Variants in ESRRG observed in about 807,000 individuals in gnomAD.
ESRRG encodes the protein estrogen related receptor gamma, also known as estrogen-related receptor gamma.
In ESRRG, 13 loss-of-function variants were observed where a neutral mutation model predicts 44.0. That is an observed-to-expected ratio of 0.30 (90% CI 0.19 to 0.47). ESRRG has a LOEUF of 0.47. ESRRG is among the 20% of genes least tolerant of loss of function. ESRRG has a pLI of 1.00. For synonymous variants in ESRRG, 215 were observed against 214.6 expected (o/e 1.00, Z -0.02); for missense variants, 395 against 580.6 (o/e 0.68, Z 3.29).
At chr1:216,565,616 A>G (rs1027057141) in intron 4 of ESRRG, among the ~76,000 whole-genome samples, 1 of 152,198 alleles carries the variant, frequency 6.6e-6, no homozygotes, top group African/African-American at 2.4e-5. Context: ...TTTTTCTAAC[A>G]TAACATTTAA....
intron 5 of ESRRG, among the ~76,000 whole-genome samples, chr1:216,522,297 T>C (rs560423677): frequency 8.7e-6 from 1 of 114,908 alleles, no homozygotes; most frequent in African/African-American, 3.5e-5. Flanking sequence ...TGAGGGAGCA[T>C]GAGGAGACGG....
chr1:216,510,682 G>C (rs1482943526), intron 6 of ESRRG, among the ~76,000 whole-genome samples: 3 of 152,188 alleles, frequency 2.0e-5, no homozygotes, highest in Non-Finnish European at 1.5e-5. Context: ...TCAGGAGATC[G>C]AGACCATCCT....
intron 2 of ESRRG, among the ~76,000 whole-genome samples, chr1:216,771,821 T>TTG (rs1473525735): frequency 6.7e-6 from 1 of 150,366 alleles, no homozygotes. Context: ...GTGGTGTTTT[T>TTG]TTTTTTTTTT....
At chr1:217,095,310 C>T (rs1379264098) in intron 1 of ESRRG, among the ~76,000 whole-genome samples, 2 of 152,304 alleles carry the variant, frequency 1.3e-5, no homozygotes, top group South Asian at 4.1e-4. Flanking sequence ...AGGTATTTTA[C>T]TTAACTGACA....
chr1:216,852,547 A>G (rs1033044585), intron 2 of ESRRG, among the ~76,000 whole-genome samples: 1 of 152,208 alleles, frequency 6.6e-6, no homozygotes, highest in Non-Finnish European at 1.5e-5. Context: ...TAAACTCCTG[A>G]AAGGCAAGAA....
intron 6 of ESRRG, among the ~76,000 whole-genome samples, chr1:216,516,605 T>G (rs1419636465): frequency 7.9e-6 from 1 of 127,246 alleles, no homozygotes; most frequent in Admixed American, 8.7e-5. Context: ...AAGTTACTTA[T>G]GTTAATCTGG....
At chr1:216,888,503 C>CT (rs375030864) in intron 2 of ESRRG, among the ~76,000 whole-genome samples, 9 of 151,542 alleles carry the variant, frequency 5.9e-5, no homozygotes, top group African/African-American at 9.7e-5. Context: ...GTGTTAAAAT[C>CT]TTTTTTTTTA....
intron 3 of ESRRG, among the ~76,000 whole-genome samples, chr1:216,633,775 G>A (rs2064727043): frequency 6.6e-6 from 1 of 152,164 alleles, no homozygotes; most frequent in Non-Finnish European, 1.5e-5. Flanking sequence ...TCAGATACAT[G>A]ACATGCTTTC....
intron 2 of ESRRG, among the ~76,000 whole-genome samples, chr1:216,839,132 T>G (rs2095612332): frequency 1.3e-5 from 2 of 152,226 alleles, no homozygotes; most frequent in Admixed American, 6.5e-5. Flanking sequence ...CTTTATCAAC[T>G]AAGTTTATGT....
rs375763600 is a variant in ESRRG, at chr1:216,723,212, G to A, written c.56+32C>T. On this transcript the variant is annotated intron_variant, in intron 1 of 6. Transcript: ENST00000408911. ...GCCCCCACCCCCGCACCCCCACGAC[G>A]AGTTTAAAAAGGAAAGAAAAAAGGT... The A allele has an allele frequency of 3.3e-5, 39 of 1,177,906 alleles. No individual in the cohort carries two copies. The African/African-American group carries it at 5.1e-4, about 15-fold the overall frequency. 73.0% of individuals were successfully genotyped at this position (1,177,906 alleles called of 1,614,324 possible). A position where few individuals can be genotyped will look rare whatever the true frequency, so the allele number is the denominator to read the frequency against.
At chr1:217,014,471 T>A (rs1191823208) in intron 1 of ESRRG, among the ~76,000 whole-genome samples, 1 of 152,220 alleles carries the variant, frequency 6.6e-6, no homozygotes, top group African/African-American at 2.4e-5. Context: ...CATAACTTTT[T>A]TCTTTAAAAC....
chr1:216,693,203 C>T lies in ESRRG; in HGVS notation c.57-15712G>A, dbSNP rs116995424. ...CACTCCTTCCTTTAGGCTCATAATA[C>T]TATGAGCCTATTTCTATAATTACAG... On this transcript the variant is annotated intron_variant, in intron 1 of 6. Coordinates refer to ENST00000408911, the MANE Select transcript of ESRRG (RefSeq NM_001438.4). Among the ~76,000 whole-genome samples, 1,385 of 152,268 alleles carry T rather than the reference C, an allele frequency of 9.1e-3. 36 individuals are homozygous for T. The highest frequency in any genetic ancestry group is 0.054 in the East Asian group (278 of 5,178).
intron 2 of ESRRG, among the ~76,000 whole-genome samples, chr1:216,935,903 T>C (rs1448680225): frequency 6.6e-6 from 1 of 151,896 alleles, no homozygotes; most frequent in Non-Finnish European, 1.5e-5. Flanking sequence ...GTGTGAGCCA[T>C]CGTGTCTGGC....
chr1:216,865,402 A>ACCATCCTTGACAACTGT (rs1420655286), intron 2 of ESRRG, among the ~76,000 whole-genome samples: 1 of 151,840 alleles, frequency 6.6e-6, no homozygotes, highest in Non-Finnish European at 1.5e-5. Flanking sequence ...TTAAAAATCA[A>ACCATCCTTGACAACTGT]CCATCCTTGA....
At chr1:216,851,324 G>A (rs184052209) in intron 2 of ESRRG, among the ~76,000 whole-genome samples, 4 of 152,142 alleles carry the variant, frequency 2.6e-5, no homozygotes, top group Admixed American at 2.6e-4. Flanking sequence ...CGGCATCTAA[G>A]TTACTTTTGA....
chr1:216,798,702 G>A (rs1391180202), intron 2 of ESRRG, among the ~76,000 whole-genome samples: 1 of 152,152 alleles, frequency 6.6e-6, no homozygotes, highest in East Asian at 1.9e-4. Flanking sequence ...AGTAGGGATT[G>A]TGGTGATAGA....
rs546150842 is a variant in ESRRG at position 216,732,013 on chromosome 1, T to A, written c.-13-54522A>T. Among the ~76,000 whole-genome samples, 4 of 152,250 alleles carry A rather than the reference T, an allele frequency of 2.6e-5. No individual in the cohort carries two copies. The South Asian group carries it at 6.2e-4, about 24-fold the overall frequency. On this transcript the variant is annotated intron_variant, in intron 2 of 7. Transcript: ENST00000359162. Reference sequence around the variant, plus strand: ...GAAATTTAACAAAGAAATTTTTTTTTAATTTTTATATGTTTAAAATATGGA... The same window carrying A: ...GAAATTTAACAAAGAAATTTTTTTTAAATTTTTATATGTTTAAAATATGGA...
chr1:217,094,495 A>C (rs1007449550), upstream of ESRRG, among the ~76,000 whole-genome samples: 1 of 152,224 alleles, frequency 6.6e-6, no homozygotes, highest in Non-Finnish European at 1.5e-5. Context: ...CATGTGTTGA[A>C]TAATTACAAC....
At chr1:217,057,561 G>GA (rs1342543848) in intron 1 of ESRRG, among the ~76,000 whole-genome samples, 3 of 151,666 alleles carry the variant, frequency 2.0e-5, no homozygotes, top group Admixed American at 1.3e-4. Context: ...AGACAGGACT[G>GA]AAAAAAATGA....
Sources: allele counts gnomAD v4.1 joint callset (sites outside exome capture counted in the v4.1 genomes callset), GRCh38; gene constraint gnomAD v4.1.1; transcripts MANE v1.5; gene names NCBI Gene and HGNC (gene_info 2026-07-23, HGNC 2026-07-21).